PRKG1: variants seen among roughly 807,000 people sequenced by gnomAD.
PRKG1 encodes cGMP-dependent protein kinase 1.
PRKG1 carries 35 observed loss-of-function variants against 88.1 expected under a neutral mutation model. The observed-to-expected ratio is 0.40, with a 90% CI of 0.30 to 0.53. The LOEUF is 0.53. Ranked by LOEUF, PRKG1 falls within the 20% of genes least tolerant of loss-of-function variation. The pLI, the probability that PRKG1 is intolerant of heterozygous loss-of-function variation, is 0.59. For missense variants in PRKG1, 540 were observed against 839.8 expected, an observed-to-expected ratio of 0.64 and a Z score of 4.41; for synonymous variants, 303 against 292.5, an observed-to-expected ratio of 1.04 and a Z score of -0.37.
At chr10:51,505,325 T>G (rs1053287392) in intron 3 of PRKG1, among the ~76,000 whole-genome samples, 4 of 152,210 alleles carry the variant, frequency 2.6e-5, no homozygotes, top group Non-Finnish European at 1.5e-5. Context: ...TGAAGCCCAC[T>G]TGATCATGGT....
chr10:51,661,605 A>G (rs1840301158), intron 3 of PRKG1, among the ~76,000 whole-genome samples: 1 of 152,206 alleles, frequency 6.6e-6, no homozygotes, highest in African/African-American at 2.4e-5. Context: ...ATGTGGAGAA[A>G]TAGGAACGCT....
At chr10:51,022,154 G>T (rs1843146675) in intron 1 of PRKG1, among the ~76,000 whole-genome samples, 2 of 152,144 alleles carry the variant, frequency 1.3e-5, no homozygotes, top group African/African-American at 4.8e-5. Flanking sequence ...AGAAGTCCTA[G>T]GATCATGACC....
At chr10:51,205,934 G>A (rs766420045) in intron 2 of PRKG1, among the ~76,000 whole-genome samples, 3 of 152,206 alleles carry the variant, frequency 2.0e-5, no homozygotes, top group African/African-American at 4.8e-5. Flanking sequence ...TACTAAGTGA[G>A]AAGGATAAAC....
At chr10:51,049,778 T>A (rs372565793) in intron 1 of PRKG1, among the ~76,000 whole-genome samples, 1 of 152,372 alleles carries the variant, frequency 6.6e-6, no homozygotes, top group East Asian at 1.9e-4. Context: ...CTAGTTGGTA[T>A]GGGTTTTTGT....
At chr10:51,782,928 T>C (rs2132566350) in intron 3 of PRKG1, among the ~76,000 whole-genome samples, 1 of 152,222 alleles carries the variant, frequency 6.6e-6, no homozygotes, top group Middle Eastern at 3.4e-3. Context: ...AATACAGACC[T>C]GTATTCAGGT....
intron 3 of PRKG1, among the ~76,000 whole-genome samples, chr10:51,503,774 G>C (rs572511182): frequency 6.6e-6 from 1 of 152,186 alleles, no homozygotes; most frequent in East Asian, 1.9e-4. Flanking sequence ...TTTCTTTACA[G>C]TGTTCATGGT....
At chr10:52,266,265 ACATAGGTAAACATGTACCATGATGGTTTG>A (rs1172405208) in intron 10 of PRKG1, among the ~76,000 whole-genome samples, 1 of 151,914 alleles carries the variant, frequency 6.6e-6, no homozygotes, top group Admixed American at 6.6e-5. Flanking sequence ...CATGTTTGTT[ACATAGGTAAACATGTACCATGATGGTTTG>A]CTGCACCTAT....
intron 9 of PRKG1, among the ~76,000 whole-genome samples, chr10:52,195,072 TG>T (rs2132762226): frequency 6.6e-6 from 1 of 152,312 alleles, no homozygotes; most frequent in South Asian, 2.1e-4. Flanking sequence ...TAGATGGTTT[TG>T]TGATGAGAAA....
chr10:51,584,911 A>G (rs1838133400), intron 3 of PRKG1, among the ~76,000 whole-genome samples: 1 of 152,246 alleles, frequency 6.6e-6, no homozygotes, highest in East Asian at 1.9e-4. Flanking sequence ...CAGTACAAAG[A>G]AGAATTACTG....
intron 5 of PRKG1, among the ~76,000 whole-genome samples, chr10:52,021,766 C>T (rs972108966): frequency 6.6e-6 from 1 of 152,056 alleles, no homozygotes; most frequent in African/African-American, 2.4e-5. Context: ...AATAAAGAGA[C>T]TCTCCAGGTA....
Position 51,087,253 on chromosome 10 carries a change from G to A in PRKG1, c.311+12352G>A, listed in dbSNP as rs548636710. On this transcript the variant is annotated intron_variant, in intron 1 of 17. Transcript: ENST00000373980. ...CTTTGATAAAGTGAAAGTAGTAATTGTTACTTTTTAGCCTTGTCTTTAATG... is the reference window on the plus strand; with the variant it reads ...CTTTGATAAAGTGAAAGTAGTAATTATTACTTTTTAGCCTTGTCTTTAATG... Among the ~76,000 whole-genome samples, 141 of 151,982 alleles carry A rather than the reference G, an allele frequency of 9.3e-4. 1 individual carries two copies. Among genetic ancestry groups the A allele is most frequent in the African/African-American group, 3.3e-3 (136 of 41,442 alleles).
At chr10:51,194,444 T>G (rs940269745) in intron 2 of PRKG1, among the ~76,000 whole-genome samples, 3 of 152,092 alleles carry the variant, frequency 2.0e-5, no homozygotes, top group African/African-American at 7.2e-5. Context: ...TGTGTCCATG[T>G]GTTCTCATAA....
intron 9 of PRKG1, among the ~76,000 whole-genome samples, chr10:52,197,783 T>A (rs1408940398): frequency 6.6e-6 from 1 of 152,196 alleles, no homozygotes; most frequent in Non-Finnish European, 1.5e-5. Flanking sequence ...ATACCAGACT[T>A]TATGGAGACT....
chr10:52,096,788 A>T (rs1847183272), intron 7 of PRKG1, among the ~76,000 whole-genome samples: 1 of 152,154 alleles, frequency 6.6e-6, no homozygotes, highest in African/African-American at 2.4e-5. Flanking sequence ...ACTATAGTAA[A>T]ATTAAAGTGA....
intron 4 of PRKG1, among the ~76,000 whole-genome samples, chr10:51,902,779 G>T (rs576671430): frequency 6.6e-6 from 1 of 152,112 alleles, no homozygotes; most frequent in Admixed American, 6.5e-5. Flanking sequence ...CATCCCATTA[G>T]TCATTAAAGT....
intron 4 of PRKG1, among the ~76,000 whole-genome samples, chr10:51,906,685 C>CTCT (rs1842092955): frequency 6.6e-6 from 1 of 152,184 alleles, no homozygotes; most frequent in South Asian, 2.1e-4. Flanking sequence ...GGCTTCAGAA[C>CTCT]TCTTATCAGA....
At chr10:51,819,830 C>G (rs1839695977) in intron 4 of PRKG1, among the ~76,000 whole-genome samples, 1 of 152,022 alleles carries the variant, frequency 6.6e-6, no homozygotes, top group South Asian at 2.1e-4. Context: ...GTGAATCACA[C>G]TAGAGTAACA....
intron 3 of PRKG1, among the ~76,000 whole-genome samples, chr10:51,732,178 G>A (rs1374241876): frequency 6.6e-6 from 1 of 152,062 alleles, no homozygotes; most frequent in Non-Finnish European, 1.5e-5. Context: ...GCCTGCCTCA[G>A]CCTCCCAGAG....
intron 3 of PRKG1, among the ~76,000 whole-genome samples, chr10:51,474,937 A>C (rs980779839): frequency 6.6e-5 from 10 of 152,000 alleles, no homozygotes; most frequent in African/African-American, 2.2e-4. Flanking sequence ...TATAATTTAC[A>C]AACTGTCATC....
Sources: gnomAD v4.1 joint callset for allele counts (sites outside exome capture counted in the v4.1 genomes callset) on GRCh38, gnomAD v4.1.1 for gene constraint, MANE v1.5 for transcripts, NCBI Gene and HGNC (gene_info 2026-07-23, HGNC 2026-07-21) for gene names.